Variants in GALNTL6 observed in about 807,000 individuals in gnomAD.
GALNTL6 encodes the protein polypeptide N-acetylgalactosaminyltransferase like 6.
Under a neutral mutation model 73.7 loss-of-function variants are expected in GALNTL6, and 46 were observed. The observed-to-expected ratio is 0.62, with a 90% CI of 0.49 to 0.80. GALNTL6 has a LOEUF of 0.80. GALNTL6 is among the 30% of genes least tolerant of loss of function. The pLI is 0.00. For missense variants in GALNTL6, 604 were observed against 755.0 expected (o/e 0.80, Z 2.34); for synonymous variants, 259 against 263.7 (o/e 0.98, Z 0.17).
chr4:171,905,829 A>T (rs1737258855), intron 2 of GALNTL6, among the ~76,000 whole-genome samples: 1 of 151,720 alleles, frequency 6.6e-6, no homozygotes. Flanking sequence ...AGAACTCAGG[A>T]TTAAGAATCT....
intron 2 of GALNTL6, among the ~76,000 whole-genome samples, chr4:171,924,101 T>C (rs979879436): frequency 4.0e-5 from 6 of 150,586 alleles, no homozygotes; most frequent in Admixed American, 2.0e-4. Flanking sequence ...GTAGAAAAAA[T>C]AGGCAAAATG....
intron 5 of GALNTL6, among the ~76,000 whole-genome samples, chr4:172,581,355 A>G (rs1347473710): frequency 6.6e-6 from 1 of 152,122 alleles, no homozygotes. Context: ...CCTTGGTAGT[A>G]GCTTCACTTA....
At chr4:172,391,210 G>C (rs1198282903) in intron 5 of GALNTL6, among the ~76,000 whole-genome samples, 3 of 152,128 alleles carry the variant, frequency 2.0e-5, no homozygotes, top group Non-Finnish European at 2.9e-5. Context: ...CTCTGGTGAG[G>C]GTCTGGTCTC....
rs752344696 is a variant in GALNTL6, at chr4:172,074,592, T to A, written c.139-155064T>A. Among the ~76,000 whole-genome samples the A allele has an allele frequency of 2.9e-4, 44 of 152,114 alleles. 1 individual carries two copies. Among genetic ancestry groups the A allele is most frequent in the African/African-American group, 9.9e-4 (41 of 41,488 alleles). Reference sequence around the variant, plus strand: ...TGGTTACAGATGGTCATATAGCATATGACAAAATATAGGCTCAGAAAAATC... The same window carrying A: ...TGGTTACAGATGGTCATATAGCATAAGACAAAATATAGGCTCAGAAAAATC... On this transcript the variant is annotated intron_variant, in intron 2 of 12. Transcript: ENST00000506823.
intron 8 of GALNTL6, among the ~76,000 whole-genome samples, chr4:172,898,377 T>A (rs146913695): frequency 6.7e-6 from 1 of 148,942 alleles, no homozygotes; most frequent in Non-Finnish European, 1.5e-5. Flanking sequence ...ATAATTACGA[T>A]AACATATGAA....
At chr4:172,780,610 C>T (rs371119407) in intron 5 of GALNTL6, among the ~76,000 whole-genome samples, 1 of 152,084 alleles carries the variant, frequency 6.6e-6, no homozygotes, top group Non-Finnish European at 1.5e-5. Flanking sequence ...ACATTTTTTC[C>T]TGGCCGCTTA....
At chr4:171,847,941 G>T (rs772614547) in intron 2 of GALNTL6, among the ~76,000 whole-genome samples, 4 of 152,026 alleles carry the variant, frequency 2.6e-5, no homozygotes, top group Non-Finnish European at 5.9e-5. Flanking sequence ...AATCACAAAC[G>T]TTCTTGATGA....
At position 172,229,675 on chromosome 4, in the gene GALNTL6, G is replaced by A; in HGVS notation, c.158G>A (p.Gly53Glu). ...CCACAGACATTTCCACTGGGCCTGG[G>A]AGATGGGCAATTCTATTCATGGACA... ...GEQQTFPLGL[G>E]DGQFYSWTDG... The change falls in exon 3 of 13, where the codon GGA (glycine) becomes GAA (glutamate). Residue 53 changes from glycine (G) to glutamate (E), a missense_variant. Gly to Glu is a moderately conservative substitution (Grantham distance 98, BLOSUM62 -2). Coordinates refer to ENST00000506823, the MANE Select transcript of GALNTL6 (RefSeq NM_001034845.3). 4 of 1,613,038 alleles carry A rather than the reference G, an allele frequency of 2.5e-6. No individual in the cohort carries two copies. The highest frequency in any genetic ancestry group is 3.4e-6 in the Non-Finnish European group (4 of 1,179,086).
At chr4:172,227,779 A>T (rs1219352307) in intron 2 of GALNTL6, among the ~76,000 whole-genome samples, 1 of 152,170 alleles carries the variant, frequency 6.6e-6, no homozygotes, top group East Asian at 1.9e-4. Context: ...ACTTTTGTTC[A>T]ATCTGCATTA....
intron 2 of GALNTL6, among the ~76,000 whole-genome samples, chr4:172,114,272 G>T (rs1288251629): frequency 6.6e-6 from 1 of 152,042 alleles, no homozygotes; most frequent in African/African-American, 2.4e-5. Flanking sequence ...GCTGTTTTAT[G>T]CAAGGTTACA....
intron 10 of GALNTL6, among the ~76,000 whole-genome samples, chr4:172,964,751 T>C (rs531373853): frequency 1.3e-5 from 2 of 152,362 alleles, no homozygotes; most frequent in East Asian, 3.9e-4. Flanking sequence ...CACTAGGAGA[T>C]GCATTATCTC....
At chr4:172,294,682 T>C (rs6822646) in intron 3 of GALNTL6, among the ~76,000 whole-genome samples, 5,505 of 152,306 alleles carry the variant, frequency 0.036, 131 homozygotes, top group Non-Finnish European at 0.059. Flanking sequence ...AACTTTGTAA[T>C]TTTATCTGTG....
At chr4:172,222,358 G>T (rs979299330) in intron 2 of GALNTL6, among the ~76,000 whole-genome samples, 2 of 151,812 alleles carry the variant, frequency 1.3e-5, no homozygotes, top group African/African-American at 4.8e-5. Context: ...TAAAACAAGT[G>T]TTAGTGTGGG....
At chr4:171,950,809 C>T (rs568203111) in intron 2 of GALNTL6, among the ~76,000 whole-genome samples, 98 of 152,150 alleles carry the variant, frequency 6.4e-4, no homozygotes, top group African/African-American at 2.3e-3. Flanking sequence ...AGACAATACA[C>T]AAATTATTTT....
intron 5 of GALNTL6, among the ~76,000 whole-genome samples, chr4:172,381,208 CAA>C (rs1467694559): frequency 1.3e-5 from 2 of 152,144 alleles, no homozygotes; most frequent in Non-Finnish European, 2.9e-5. Flanking sequence ...TTGGATGAAA[CAA>C]ATGATTATTT....
At chr4:172,440,587 A>G (rs908009428) in intron 5 of GALNTL6, among the ~76,000 whole-genome samples, 1 of 152,166 alleles carries the variant, frequency 6.6e-6, no homozygotes, top group African/African-American at 2.4e-5. Context: ...TACAACATCA[A>G]GAGTGAACCC....
intron 2 of GALNTL6, among the ~76,000 whole-genome samples, chr4:171,928,821 G>A (rs182897116): frequency 3.4e-4 from 51 of 152,174 alleles, no homozygotes; most frequent in Admixed American, 3.3e-3. Context: ...CAGAGCCTAG[G>A]TGTGTAGCAG....
At chr4:172,828,466 A>G (rs760496350) in intron 7 of GALNTL6, among the ~76,000 whole-genome samples, 9 of 152,106 alleles carry the variant, frequency 5.9e-5, no homozygotes, top group Non-Finnish European at 1.2e-4. Flanking sequence ...ATTTCCATCA[A>G]GGTATTCCAC....
rs570377960 is a variant in GALNTL6 at position 172,109,429 on chromosome 4, C to A, written c.139-120227C>A. The stretch of plus-strand genomic sequence containing the variant: ...ACAGAGAGAAGAAAATATGATGAAG[C>A]CTTTTCAACAGATGAAACAAGATAA... On this transcript the variant is annotated intron_variant, in intron 2 of 12. Coordinates refer to ENST00000506823, the MANE Select transcript of GALNTL6 (RefSeq NM_001034845.3). 3.9e-5 allele frequency among the ~76,000 whole-genome samples: 6 copies of A among 152,226 alleles called. No homozygotes were observed. The South Asian group carries it at 8.3e-4, about 21-fold the overall frequency.
Sources: gnomAD v4.1 joint callset for allele counts (sites outside exome capture counted in the v4.1 genomes callset) on GRCh38, gnomAD v4.1.1 for gene constraint, MANE v1.5 for transcripts, NCBI Gene and HGNC (gene_info 2026-07-23, HGNC 2026-07-21) for gene names.